MAGI2: variants seen among roughly 807,000 people sequenced by gnomAD.
MAGI2 encodes membrane-associated guanylate kinase, WW and PDZ domain-containing protein 2.
A neutral mutation model predicts 133.3 loss-of-function variants in MAGI2; 35 were observed. That is an observed-to-expected ratio of 0.26 (90% CI 0.20 to 0.35). MAGI2 has a LOEUF of 0.35. Ranked by LOEUF, MAGI2 falls within the 10% of genes least tolerant of loss-of-function variation. The pLI is 1.00. For synonymous variants in MAGI2, 729 were observed against 710.6 expected (o/e 1.03, Z -0.41); for missense variants, 1,636 against 1,863.4 (o/e 0.88, Z 2.25).
At position 79,248,591 on chromosome 7, in the gene MAGI2, A is replaced by G. The variant is rs193059855; in HGVS notation, c.301+204429T>C. On this transcript the variant is annotated intron_variant, in intron 1 of 21. Coordinates refer to ENST00000354212, the MANE Select transcript of MAGI2 (RefSeq NM_012301.4). ...CAGTCTTCTCCTTAGTACATGGATC[A>G]TTCTCAAAGACAAATCATAAGTTAG... Among the ~76,000 whole-genome samples the G allele has an allele frequency of 5.4e-4, 82 of 152,278 alleles. 1 individual carries two copies. Among genetic ancestry groups the G allele is most frequent in the African/African-American group, 1.9e-3 (81 of 41,574 alleles).
intron 2 of MAGI2, among the ~76,000 whole-genome samples, chr7:78,724,708 C>T (rs558924970): frequency 5.9e-5 from 9 of 152,278 alleles, no homozygotes; most frequent in African/African-American, 1.9e-4. Flanking sequence ...ATGTCTTGTA[C>T]AGCAATTCCA....
chr7:78,340,823 A>G (rs547016482), intron 9 of MAGI2, among the ~76,000 whole-genome samples: 1 of 152,164 alleles, frequency 6.6e-6, no homozygotes, highest in African/African-American at 2.4e-5. Context: ...AATAAGAGCT[A>G]TTTATGACAA....
At chr7:78,053,608 A>C (rs1324336233) in intron 21 of MAGI2, among the ~76,000 whole-genome samples, 1 of 152,050 alleles carries the variant, frequency 6.6e-6, no homozygotes, top group Non-Finnish European at 1.5e-5. Context: ...CCTTTCCTTT[A>C]TTTTCTCTTC....
rs3779278 is a variant in MAGI2, at chr7:78,195,635, T to C, written c.2080-572A>G. ...GTTCAAAGTCTTCTAGGAAGCCTCA[T>C]TTACTGTGGATCTGGTGGTTCCTCC... On this transcript the variant is annotated intron_variant, in intron 11 of 21. Coordinates refer to ENST00000354212, the MANE Select transcript of MAGI2 (RefSeq NM_012301.4). Among the ~76,000 whole-genome samples, 7 of 152,302 alleles carry C rather than the reference T, an allele frequency of 4.6e-5. No homozygotes were observed. The East Asian group carries it at 1.2e-3, about 25-fold the overall frequency.
chr7:79,353,193 C>T (rs1411511879), intron 1 of MAGI2, among the ~76,000 whole-genome samples: 1 of 152,026 alleles, frequency 6.6e-6, no homozygotes. Context: ...CCAACTGCCC[C>T]CCAGCTGCCT....
chr7:78,523,491 A>G (rs547976006), intron 3 of MAGI2, among the ~76,000 whole-genome samples: 1 of 151,972 alleles, frequency 6.6e-6, no homozygotes, highest in Non-Finnish European at 1.5e-5. Flanking sequence ...AAAAATAAAT[A>G]AATAAAATAA....
intron 21 of MAGI2, among the ~76,000 whole-genome samples, chr7:78,064,745 G>A (rs1813640735): frequency 6.6e-6 from 1 of 152,136 alleles, no homozygotes. Flanking sequence ...GTAGCTACAT[G>A]CCACTGCAGA....
chr7:79,277,671 G>T (rs1835333840), intron 1 of MAGI2, among the ~76,000 whole-genome samples: 1 of 152,068 alleles, frequency 6.6e-6, no homozygotes, highest in Non-Finnish European at 1.5e-5. Context: ...GCATTAACAG[G>T]CCCCTCAGCT....
At position 78,551,818 on chromosome 7, in the gene MAGI2, C is replaced by T. The variant is rs114677117; in HGVS notation, c.539-30173G>A. Among the ~76,000 whole-genome samples the T allele has an allele frequency of 1.5e-3, 224 of 152,344 alleles. 1 individual carries two copies. Among genetic ancestry groups the T allele is most frequent in the African/African-American group, 5.0e-3 (207 of 41,590 alleles). ...GGAGGGCAGCGGTGCGAACCTGGCT[C>T]ACTGCAGCCTTGAATTGCTGGGCTC... On this transcript the variant is annotated intron_variant, in intron 3 of 21. Transcript: ENST00000354212.
intron 21 of MAGI2, among the ~76,000 whole-genome samples, chr7:78,024,423 A>C (rs1172566188): frequency 6.6e-6 from 1 of 152,142 alleles, no homozygotes; most frequent in Non-Finnish European, 1.5e-5. Flanking sequence ...AATAAGTCCA[A>C]ATAGAAATCT....
intron 10 of MAGI2, among the ~76,000 whole-genome samples, chr7:78,235,983 C>T (rs1790495557): frequency 6.7e-6 from 1 of 150,346 alleles, no homozygotes; most frequent in South Asian, 2.1e-4. Flanking sequence ...ATTATGATTC[C>T]AGTTAAAAGA....
intron 1 of MAGI2, among the ~76,000 whole-genome samples, chr7:79,397,074 G>A (rs926656196): frequency 1.3e-5 from 2 of 150,946 alleles, no homozygotes; most frequent in Non-Finnish European, 1.5e-5. Context: ...GATTAGAAAG[G>A]TTTTACATAT....
chr7:78,833,477 TC>T (rs1231374961), intron 2 of MAGI2, among the ~76,000 whole-genome samples: 1 of 152,190 alleles, frequency 6.6e-6, no homozygotes, highest in African/African-American at 2.4e-5. Context: ...GACCTGCCAA[TC>T]TGCCTGGGAA....
intron 6 of MAGI2, among the ~76,000 whole-genome samples, chr7:78,403,881 G>C (rs1363021153): frequency 6.6e-6 from 1 of 152,128 alleles, no homozygotes; most frequent in South Asian, 2.1e-4. Context: ...AATTGTCCCT[G>C]TTTGCAGATG....
chr7:78,630,015 C>A (rs974708856), intron 2 of MAGI2, among the ~76,000 whole-genome samples: 2 of 151,738 alleles, frequency 1.3e-5, no homozygotes, highest in African/African-American at 4.8e-5. Context: ...GTTGCATATA[C>A]AGATATTTTA....
intron 1 of MAGI2, among the ~76,000 whole-genome samples, chr7:79,202,857 T>G (rs1828730798): frequency 6.6e-6 from 1 of 152,006 alleles, no homozygotes; most frequent in Non-Finnish European, 1.5e-5. Context: ...AGCTGATAAT[T>G]GTCAGTGTGC....
At chr7:78,919,773 T>C (rs1050764139) in intron 2 of MAGI2, among the ~76,000 whole-genome samples, 1 of 152,160 alleles carries the variant, frequency 6.6e-6, no homozygotes, top group African/African-American at 2.4e-5. Context: ...ATTAATTGTA[T>C]GCAAATGTAT....
chr7:78,621,672 T>A (rs1421537548), intron 3 of MAGI2, among the ~76,000 whole-genome samples: 1 of 152,000 alleles, frequency 6.6e-6, no homozygotes, highest in Admixed American at 6.6e-5. Flanking sequence ...CTATAGATGG[T>A]AACTAAAGCA....
At chr7:78,601,411 T>C (rs1486014673) in intron 3 of MAGI2, among the ~76,000 whole-genome samples, 1 of 152,216 alleles carries the variant, frequency 6.6e-6, no homozygotes, top group Non-Finnish European at 1.5e-5. Context: ...TGTAATTTTT[T>C]TCTTCATAAG....
Sources: gnomAD v4.1 joint callset for allele counts (sites outside exome capture counted in the v4.1 genomes callset) on GRCh38, gnomAD v4.1.1 for gene constraint, MANE v1.5 for transcripts, NCBI Gene and HGNC (gene_info 2026-07-23, HGNC 2026-07-21) for gene names.